Variants in USH2A observed in about 807,000 individuals in gnomAD.
The protein encoded by USH2A is usherin.
In USH2A, 443 loss-of-function variants were observed where a neutral mutation model predicts 538.9. The ratio of observed to expected loss-of-function variants is 0.82; its 90% CI spans 0.76 to 0.89. USH2A has a LOEUF of 0.89. Among genes scored for constraint, USH2A ranks in the 40% least tolerant of loss-of-function variants. USH2A has a pLI of 0.00. For missense variants in USH2A, 6,633 were observed against 6,324.8 expected, an observed-to-expected ratio of 1.05 and a Z score of -1.65; for synonymous variants, 2,413 against 2,273.5, an observed-to-expected ratio of 1.06 and a Z score of -1.75.
chr1:215,967,440 T>C (rs1667376048), intron 36 of USH2A, among the ~76,000 whole-genome samples: 1 of 152,198 alleles, frequency 6.6e-6, no homozygotes. Flanking sequence ...ATGCTGGGAT[T>C]ACAGGTGTGA....
In USH2A at chr1:216,174,520, C is replaced by A; in HGVS notation, c.4627+732G>T. On this transcript the variant is annotated intron_variant, in intron 21 of 71. Transcript: ENST00000307340. ...AGAGTTCAATCTGTCTTTATTTAAG[C>A]TTTTGATAATATTTTTATAGTGCTT... is the stretch of plus-strand genomic sequence containing the variant. 4 of 985,106 alleles carry A rather than the reference C, an allele frequency of 4.1e-6. No homozygotes were observed. In the South Asian group the frequency reaches 1.9e-4, roughly 46 times the overall value. 61.0% of individuals were successfully genotyped at this position (985,106 alleles called of 1,614,324 possible).
intron 9 of USH2A, among the ~76,000 whole-genome samples, chr1:216,314,074 A>C (rs1031329743): frequency 6.6e-6 from 1 of 152,138 alleles, no homozygotes; most frequent in East Asian, 1.9e-4. Flanking sequence ...GATTCAGAAA[A>C]ATCATGTCAT....
chr1:216,028,902 A>T (rs1394338390), intron 32 of USH2A, among the ~76,000 whole-genome samples: 1 of 152,142 alleles, frequency 6.6e-6, no homozygotes, highest in Non-Finnish European at 1.5e-5. Context: ...GTCTGGTCCC[A>T]ATTATATGTT....
intron 65 of USH2A, among the ~76,000 whole-genome samples, chr1:215,649,938 C>A (rs1656997876): frequency 6.6e-6 from 1 of 152,144 alleles, no homozygotes; most frequent in Admixed American, 6.5e-5. Flanking sequence ...TGATTCTTAG[C>A]ATCGCTTCCG....
chr1:216,041,483 A>C (rs1431874154), intron 32 of USH2A, among the ~76,000 whole-genome samples: 2 of 152,104 alleles, frequency 1.3e-5, no homozygotes, highest in Non-Finnish European at 2.9e-5. Flanking sequence ...ATCCACTGGC[A>C]AACCCTACGG....
At chr1:215,671,518 A>ACTC (rs1219128386) in intron 63 of USH2A, among the ~76,000 whole-genome samples, 1 of 151,998 alleles carries the variant, frequency 6.6e-6, no homozygotes, top group African/African-American at 2.4e-5. Context: ...ACAGAGCAAG[A>ACTC]CTCTGTCTCA....
chr1:216,231,298 G>T (rs557537278), intron 14 of USH2A, among the ~76,000 whole-genome samples: 5 of 71,768 alleles, frequency 7.0e-5, no homozygotes, highest in African/African-American at 2.8e-4. Context: ...GAGACAGAGA[G>T]AGAGAGAGAG....
At chr1:216,074,891 T>C (rs551222932) in intron 27 of USH2A, among the ~76,000 whole-genome samples, 2 of 152,310 alleles carry the variant, frequency 1.3e-5, no homozygotes, top group Non-Finnish European at 2.9e-5. Context: ...TACATAGTTT[T>C]AGCTTTGCAG....
intron 11 of USH2A, among the ~76,000 whole-genome samples, chr1:216,272,790 G>A (rs756374622): frequency 1.3e-5 from 2 of 152,102 alleles, no homozygotes; most frequent in Admixed American, 6.6e-5. Context: ...GGCAAAATAG[G>A]TTGAGAAAGA....
At chr1:215,627,461 C>CTTCCTTCCTTCCTTCCTTCT (rs1656091352) in intron 71 of USH2A, among the ~76,000 whole-genome samples, 1 of 133,278 alleles carries the variant, frequency 7.5e-6, no homozygotes, top group African/African-American at 2.8e-5. Flanking sequence ...TCCTTCCTTC[C>CTTCCTTCCTTCCTTCCTTCT]TTCCTTCCTT....
chr1:216,198,956 A>T (rs2034919689), intron 17 of USH2A, among the ~76,000 whole-genome samples: 2 of 152,202 alleles, frequency 1.3e-5, no homozygotes, highest in African/African-American at 4.8e-5. Flanking sequence ...CTTTTGGGGA[A>T]TTTGATCATT....
intron 32 of USH2A, among the ~76,000 whole-genome samples, chr1:216,037,920 TA>T (rs1359632496): frequency 6.6e-5 from 10 of 151,976 alleles, no homozygotes; most frequent in Non-Finnish European, 1.3e-4. Context: ...CTCTCACTTA[TA>T]AGTGAGAACA....
chr1:216,074,139 C>T (rs982526825), intron 27 of USH2A, among the ~76,000 whole-genome samples: 2 of 152,200 alleles, frequency 1.3e-5, no homozygotes, highest in African/African-American at 4.8e-5. Context: ...GAGTATTCAC[C>T]ACTTTTTTGT....
intron 18 of USH2A, among the ~76,000 whole-genome samples, chr1:216,197,738 A>C (rs902335547): frequency 4.6e-5 from 7 of 152,148 alleles, no homozygotes; most frequent in Non-Finnish European, 1.0e-4. Context: ...GAGGATTAAA[A>C]ATTTTTGCCT....
chr1:216,072,812 A>G, intron 29 of USH2A, 77 bp downstream of exon 29: 1 of 1,362,714 alleles, frequency 7.3e-7, no homozygotes, highest in Non-Finnish European at 1.1e-6. Flanking sequence ...TCAGGGTAAT[A>G]GTCCTTCCTT....
chr1:215,807,382 T>C (rs149683009), intron 49 of USH2A, among the ~76,000 whole-genome samples: 1 of 152,260 alleles, frequency 6.6e-6, no homozygotes, highest in East Asian at 1.9e-4. Flanking sequence ...GAGCGATATT[T>C]AATTTCCCCT....
chr1:216,096,949 C>T, intron 22 of USH2A, 134 bp downstream of exon 22: 14 of 974,196 alleles, frequency 1.4e-5, no homozygotes, highest in Non-Finnish European at 2.1e-5. Flanking sequence ...TCTTGATTGG[C>T]AAAATGGGGA....
intron 61 of USH2A, among the ~76,000 whole-genome samples, chr1:215,725,255 G>A (rs1243301115): frequency 2.6e-5 from 4 of 152,144 alleles, no homozygotes; most frequent in Admixed American, 2.0e-4. Flanking sequence ...TGATCTGCCC[G>A]CCTCAGCTTC....
At chr1:216,355,377 A>AAGAAAGAAAGAAAGAAAGAAAGAG in intron 4 of USH2A, among the ~76,000 whole-genome samples, 1 of 145,834 alleles carries the variant, frequency 6.9e-6, no homozygotes, top group Middle Eastern at 3.5e-3. Flanking sequence ...GAAAGAAAGA[A>AAGAAAGAAAGAAAGAAAGAAAGAG]GGAAAGAAAC....
Sources: gnomAD v4.1 joint callset for allele counts (sites outside exome capture counted in the v4.1 genomes callset) on GRCh38, gnomAD v4.1.1 for gene constraint, MANE v1.5 for transcripts, NCBI Gene and HGNC (gene_info 2026-07-23, HGNC 2026-07-21) for gene names.